The following AVPR1A variants were observed in gnomAD, a reference collection of about 807,000 sequenced individuals.
AVPR1A encodes the protein arginine vasopressin receptor 1A.
Under a neutral mutation model 31.5 loss-of-function variants are expected in AVPR1A, and 31 were observed. The observed-to-expected ratio is 0.99, with a 90% CI of 0.74 to 1.33. The LOEUF is 1.33. Ranked by LOEUF, AVPR1A falls within the 40% of genes most tolerant of loss-of-function variation. The pLI is 0.00. For synonymous variants in AVPR1A, 243 were observed against 233.2 expected (o/e 1.04, Z -0.38); for missense variants, 570 against 575.2 (o/e 0.99, Z 0.09).
chr12:63,145,549 C>G lies in AVPR1A; in HGVS notation c.*1810G>C. 1 of 293,570 alleles carries G rather than the reference C, an allele frequency of 3.4e-6. No homozygotes were observed. The highest frequency in any genetic ancestry group is 4.6e-5 in the Admixed American group (1 of 21,772). The allele number at this position is 293,570 out of a possible 1,614,324, so 18.2% of individuals were successfully genotyped here. A position where few individuals can be genotyped will look rare whatever the true frequency, so the allele number is the denominator to read the frequency against. On this transcript the variant is annotated 3_prime_UTR_variant, in exon 2 of 2. Coordinates refer to ENST00000299178, the MANE Select transcript of AVPR1A (RefSeq NM_000706.5). ...CTGAGGCAGGAGAATCGCTTGAACC[C>G]AGGAAGCGGAGGTTGCAGTGAGCCG...
rs763402664 is a variant in AVPR1A, at chr12:63,147,578, C to A, written c.1038G>T (p.Trp346Cys). 8 of 1,614,024 alleles carry A rather than the reference C, an allele frequency of 5.0e-6. No homozygotes were observed. In the East Asian group the frequency reaches 1.8e-4, roughly 36 times the overall value. ...LGSLNSCCNP[W>C]IYMFFSGHLL... ...GATGGCCACTAAAAAACATGTATAT[C>A]CAGGGATTACAGCAGCTATTCAAGG... is the stretch of plus-strand genomic sequence containing the variant. Residue 346 changes from tryptophan to cysteine, a missense_variant, in exon 2 of 2, where the codon TGG becomes TGT. Trp to Cys is a radical substitution (Grantham distance 215). Transcript: ENST00000299178.
At chr12:63,148,069 C>T (rs1260773226) in intron 1 of AVPR1A, among the ~76,000 whole-genome samples, 1 of 152,010 alleles carries the variant, frequency 6.6e-6, no homozygotes, top group Non-Finnish European at 1.5e-5. Flanking sequence ...CCTAATAACT[C>T]AGGAAAAAAT....
chr12:63,150,016 G>T lies in AVPR1A; in HGVS notation c.821C>A (p.Pro274His). The T allele has an allele frequency of 6.2e-7, 1 of 1,614,090 alleles. No homozygotes were observed. The highest frequency in any genetic ancestry group is 1.1e-5 in the South Asian group (1 of 91,072). ...AATGGACTTCACGCTGCTGACACAG[G>T]GTGCGAGCAGGAACCCCTTTTGGAA... ...VAFQKGFLLA[P>H]CVSSVKSISR... The change falls in exon 1 of 2, where the codon CCC (proline) becomes CAC (histidine). Residue 274 changes from proline (P) to histidine (H), a missense_variant. By Grantham distance (77) the Pro-to-His change is moderately conservative. Coordinates refer to ENST00000299178, the MANE Select transcript of AVPR1A (RefSeq NM_000706.5). This position sits in a 1 kb window ranked among gnomAD's most constrained non-coding sequence, Gnocchi z 4.9.
rs766845596 is a variant in AVPR1A, at chr12:63,150,907, G to C, written c.-71C>G. ...TCGCGGGCCGCTCCCTCCCCGTCTC[G>C]GAGGACTTGGGCTCCTCGTCCGAAG... On this transcript the variant is annotated 5_prime_UTR_variant, in exon 1 of 2. Coordinates refer to ENST00000299178, the MANE Select transcript of AVPR1A (RefSeq NM_000706.5). This position sits in a 1 kb window ranked among gnomAD's most constrained non-coding sequence, Gnocchi z 4.9. 182 of 1,443,156 alleles carry C rather than the reference G, an allele frequency of 1.3e-4. No individual in the cohort carries two copies. The highest frequency in any genetic ancestry group is 1.6e-4 in the Non-Finnish European group (173 of 1,105,396). 89.4% of individuals were successfully genotyped at this position (1,443,156 alleles called of 1,614,324 possible).
rs779151917 is a variant in AVPR1A, at chr12:63,150,153, G to C, written c.684C>G (p.Pro228=). The C allele has an allele frequency of 3.7e-6, 6 of 1,613,980 alleles. No homozygotes were observed. The highest frequency in any genetic ancestry group is 1.1e-5 in the South Asian group (1 of 91,074). ...CGTAGCAGGTACCCAAGATGACCAC[G>C]GGCGCCACAAAGATGCCGCCCGTCA... ...TWMTGGIFVA[P]VVILGTCYGF... is the part of the protein sequence containing the mutation. The change falls in exon 1 of 2, where the codon CCC becomes CCG. Residue 228 remains proline, a synonymous_variant. Coordinates refer to ENST00000299178, the MANE Select transcript of AVPR1A (RefSeq NM_000706.5). This position sits in a 1 kb window ranked among gnomAD's most constrained non-coding sequence, Gnocchi z 4.9.
In AVPR1A at chr12:63,150,863, C is replaced by G. The variant is rs1427404277; in HGVS notation, c.-27G>C. On this transcript the variant is annotated 5_prime_UTR_variant, in exon 1 of 2. Transcript: ENST00000299178. This position sits in a 1 kb window ranked among gnomAD's most constrained non-coding sequence, Gnocchi z 4.9. ...CTGTCCATGCAGCTCCTACTCGGCCCTCTTCGGAGCTCCAGCCCTCGCGGG... is the reference window on the plus strand; with the variant it reads ...CTGTCCATGCAGCTCCTACTCGGCCGTCTTCGGAGCTCCAGCCCTCGCGGG... 2 of 1,505,370 alleles carry G rather than the reference C, an allele frequency of 1.3e-6. No individual in the cohort carries two copies. The highest frequency in any genetic ancestry group is 2.6e-5 in the South Asian group (2 of 78,102). 93.3% of individuals were successfully genotyped at this position (1,505,370 alleles called of 1,614,324 possible).
At position 63,145,158 on chromosome 12, in the gene AVPR1A, T is replaced by A. The variant is rs1176622121; in HGVS notation, c.*2201A>T. The stretch of plus-strand genomic sequence containing the variant: ...AATTAATTAATTTAGTTATGGCTTA[T>A]ATTGGACAGTACCCTTTAAGAGACA... On this transcript the variant is annotated 3_prime_UTR_variant, in exon 2 of 2. Transcript: ENST00000299178. 7.5e-6 allele frequency: 2 copies of A among 265,462 alleles called. No individual in the cohort carries two copies. Among genetic ancestry groups the A allele is most frequent in the African/African-American group, 4.4e-5 (2 of 45,020 alleles). The allele number at this position is 265,462 out of a possible 1,614,324, so 16.4% of individuals were successfully genotyped here. A position where few individuals can be genotyped will look rare whatever the true frequency, so the allele number is the denominator to read the frequency against.
In AVPR1A at chr12:63,145,442, T is replaced by G; in HGVS notation, c.*1917A>C. 2.2e-6 allele frequency: 1 copy of G among 444,804 alleles called. No homozygotes were observed. 27.6% of individuals were successfully genotyped at this position (444,804 alleles called of 1,614,324 possible). ...ACTATTAAAACCATGCTGGCCAACA[T>G]GGTGAAACCCCATCTCTACTAAAAA... On this transcript the variant is annotated 3_prime_UTR_variant, in exon 2 of 2. Coordinates refer to ENST00000299178, the MANE Select transcript of AVPR1A (RefSeq NM_000706.5).
chr12:63,147,603 G>T lies in AVPR1A; in HGVS notation c.1013C>A (p.Ser338Tyr). 1 of 1,614,040 alleles carries T rather than the reference G, an allele frequency of 6.2e-7. No individual in the cohort carries two copies. The highest frequency in any genetic ancestry group is 8.5e-7 in the Non-Finnish European group (1 of 1,179,964). Reference protein sequence around the residue: ...PTITITALLGSLNSCCNPWIY... With the variant: ...PTITITALLGYLNSCCNPWIY... ...CCAGGGATTACAGCAGCTATTCAAG[G>T]AACCCAGTAATGCAGTGATGGTGAT... is the stretch of plus-strand genomic sequence containing the variant. Residue 338 changes from serine (S) to tyrosine (Y), a missense_variant, in exon 2 of 2, where the codon TCC becomes TAC. Ser to Tyr is a moderately radical substitution (Grantham distance 144). Transcript: ENST00000299178.
intron 1 of AVPR1A, among the ~76,000 whole-genome samples, chr12:63,149,288 T>C (rs1391665498): frequency 1.3e-5 from 2 of 152,180 alleles, no homozygotes; most frequent in Admixed American, 6.5e-5. Context: ...AAATGCCAAA[T>C]TGGAATTACT....
In AVPR1A at chr12:63,147,585, T is replaced by C; in HGVS notation, c.1031A>G (p.Asn344Ser). The change falls in exon 2 of 2, where the codon AAT becomes AGT. Residue 344 changes from asparagine to serine, a missense_variant. By Grantham distance (46) the Asn-to-Ser change is conservative. Coordinates refer to ENST00000299178, the MANE Select transcript of AVPR1A (RefSeq NM_000706.5). ...ALLGSLNSCC[N>S]PWIYMFFSGH... ...ACTAAAAAACATGTATATCCAGGGA[T>C]TACAGCAGCTATTCAAGGAACCCAG... The C allele has an allele frequency of 5.6e-6, 9 of 1,614,094 alleles. No individual in the cohort carries two copies. Among genetic ancestry groups the C allele is most frequent in the Non-Finnish European group, 7.6e-6 (9 of 1,179,980 alleles).
rs779978270 is a variant in AVPR1A, at chr12:63,150,751, CT to C, written c.85del (p.Ser29AlafsTer32). 6.2e-7 allele frequency: 1 copy of C among 1,600,680 alleles called. No homozygotes were observed. Among genetic ancestry groups the C allele is most frequent in the South Asian group, 1.1e-5 (1 of 91,048 alleles). Reference protein sequence around the residue: ...WPLATGAGNTSREAEALGEGN... With the variant: ...WPLATGAGNTXREAEALGEGN... ...CTCCCCGAGGGCTTCGGCCTCCCGG[CT>C]TGTGTTGCCAGCGCCGGTGGCCAGA... is the stretch of plus-strand genomic sequence containing the variant. On this transcript the variant is annotated frameshift_variant, in exon 1 of 2. Coordinates refer to ENST00000299178, the MANE Select transcript of AVPR1A (RefSeq NM_000706.5). LOFTEE classifies it high-confidence loss of function. The surrounding 1 kb of genome is among the most constrained non-coding windows in gnomAD (Gnocchi z 4.9).
Position 63,145,623 on chromosome 12 carries a change from CAA to C in AVPR1A, c.*1734_*1735del, listed in dbSNP as rs35843930. The stretch of plus-strand genomic sequence containing the variant: ...CTGGCAAAAGAGCAAGACTCTGTTT[CAA>C]AAAAAAAAAAAGCAACTATTACTTC... On this transcript the variant is annotated 3_prime_UTR_variant, in exon 2 of 2. Coordinates refer to ENST00000299178, the MANE Select transcript of AVPR1A (RefSeq NM_000706.5). The C allele has an allele frequency of 1.6e-3, 218 of 132,382 alleles. No homozygotes were observed. Among genetic ancestry groups the C allele is most frequent in the South Asian group, 6.3e-3 (33 of 5,234 alleles). 8.2% of individuals were successfully genotyped at this position (132,382 alleles called of 1,614,324 possible).
Position 63,149,792 on chromosome 12 carries a change from T to TCACACACA in AVPR1A, c.970+74_970+75insTGTGTGTG, listed in dbSNP as rs1236703159. The TCACACACA allele has an allele frequency of 9.4e-5, 134 of 1,430,344 alleles. No homozygotes were observed. In the African/African-American group the frequency reaches 1.9e-3, roughly 21 times the overall value. The allele number at this position is 1,430,344 out of a possible 1,614,324, so 88.6% of individuals were successfully genotyped here. On this transcript the variant is annotated intron_variant, in intron 1 of 1. Coordinates refer to ENST00000299178, the MANE Select transcript of AVPR1A (RefSeq NM_000706.5). ...TTTTTTCTCTCTCTCTCTCTCTCTC[T>TCACACACA]CTCTCTCACACACACACACACACAC...
chr12:63,143,620 G>C lies in AVPR1A; in HGVS notation c.*3739C>G, dbSNP rs1240740733. 2.0e-5 allele frequency: 3 copies of C among 152,174 alleles called. No homozygotes were observed. Among genetic ancestry groups the C allele is most frequent in the South Asian group, 4.2e-4 (2 of 4,818 alleles). 9.4% of individuals were successfully genotyped at this position (152,174 alleles called of 1,614,324 possible). Reference sequence around the variant, plus strand: ...GGAGAATCATTCTCTAATACTTACTGTCCTATGTTACTTATGATTCCAAAT... The same window carrying C: ...GGAGAATCATTCTCTAATACTTACTCTCCTATGTTACTTATGATTCCAAAT... On this transcript the variant is annotated 3_prime_UTR_variant, in exon 2 of 2. Transcript: ENST00000299178.
In AVPR1A at chr12:63,151,175, C is replaced by G. The variant is rs1164145969; in HGVS notation, c.-339G>C. On this transcript the variant is annotated 5_prime_UTR_variant, in exon 1 of 2. Coordinates refer to ENST00000299178, the MANE Select transcript of AVPR1A (RefSeq NM_000706.5). ...TGTTTCCTTGGGACGCGCTCCCTCC[C>G]GCCCTATTGCCGGAAGACTGCTGGT... 3.8e-6 allele frequency: 1 copy of G among 262,204 alleles called. No individual in the cohort carries two copies. The highest frequency in any genetic ancestry group is 7.3e-6 in the Non-Finnish European group (1 of 137,520). 16.2% of individuals were successfully genotyped at this position (262,204 alleles called of 1,614,324 possible). A position where few individuals can be genotyped will look rare whatever the true frequency, so the allele number is the denominator to read the frequency against.
At position 63,150,141 on chromosome 12, in the gene AVPR1A, CAAGATGACCACGGGCGCCACA is replaced by C; in HGVS notation, c.675_695del (p.Phe225_Ile231del). On this transcript the variant is annotated inframe_deletion, in exon 1 of 2. Coordinates refer to ENST00000299178, the MANE Select transcript of AVPR1A (RefSeq NM_000706.5). The surrounding 1 kb of genome is among the most constrained non-coding windows in gnomAD (Gnocchi z 4.9). ...AGCAGATGAAGCCGTAGCAGGTACC[CAAGATGACCACGGGCGCCACA>C]AAGATGCCGCCCGTCATCCAGGTCA... 1 of 1,614,016 alleles carries C rather than the reference CAAGATGACCACGGGCGCCACA, an allele frequency of 6.2e-7. No individual in the cohort carries two copies. The highest frequency in any genetic ancestry group is 8.5e-7 in the Non-Finnish European group (1 of 1,180,048).
rs1273139359 is a variant in AVPR1A at position 63,144,532 on chromosome 12, T to A, written c.*2827A>T. Reference sequence around the variant, plus strand: ...ACACATTTTTTTCTTGACTGTAAGCTGTTATTTGGCATAATATCTCAGGTC... The same window carrying A: ...ACACATTTTTTTCTTGACTGTAAGCAGTTATTTGGCATAATATCTCAGGTC... On this transcript the variant is annotated 3_prime_UTR_variant, in exon 2 of 2. Transcript: ENST00000299178. 6.6e-6 allele frequency: 1 copy of A among 152,216 alleles called. No individual in the cohort carries two copies. Among genetic ancestry groups the A allele is most frequent in the East Asian group, 1.9e-4 (1 of 5,202 alleles). The allele number at this position is 152,216 out of a possible 1,614,324, so 9.4% of individuals were successfully genotyped here. A position where few individuals can be genotyped will look rare whatever the true frequency, so the allele number is the denominator to read the frequency against.
chr12:63,144,872 G>C lies in AVPR1A; in HGVS notation c.*2487C>G, dbSNP rs1388126878. On this transcript the variant is annotated 3_prime_UTR_variant, in exon 2 of 2. Transcript: ENST00000299178. ...AAAAGGAGAAAATACAACTGGGTAG[G>C]GTGATATGCACTTTTTTTTGTGAGC... is the stretch of plus-strand genomic sequence containing the variant. The C allele has an allele frequency of 1.3e-5, 2 of 152,992 alleles. No individual in the cohort carries two copies. Among genetic ancestry groups the C allele is most frequent in the African/African-American group, 4.8e-5 (2 of 41,404 alleles). 9.5% of individuals were successfully genotyped at this position (152,992 alleles called of 1,614,324 possible).
Sources: gnomAD v4.1 joint callset for allele counts (sites outside exome capture counted in the v4.1 genomes callset) on GRCh38, gnomAD v4.1.1 for gene constraint, Gnocchi (gnomAD v3.1) non-coding constraint, MANE v1.5 for transcripts, NCBI Gene and HGNC (gene_info 2026-07-23, HGNC 2026-07-21) for gene names.